The following PHF20L1 variants were observed in gnomAD, a reference collection of about 807,000 sequenced individuals.
PHF20L1 encodes PHD finger protein 20-like protein 1.
In PHF20L1, 44 loss-of-function variants were observed where a neutral mutation model predicts 125.5. The ratio of observed to expected loss-of-function variants is 0.35; its 90% CI spans 0.28 to 0.45. The LOEUF is 0.45. PHF20L1 is among the 20% of genes least tolerant of loss of function. The pLI, the probability that PHF20L1 is intolerant of heterozygous loss-of-function variation, is 1.00. For missense variants in PHF20L1, 1,012 were observed against 1,217.2 expected (o/e 0.83, Z 2.51); for synonymous variants, 380 against 403.1 (o/e 0.94, Z 0.69).
rs548537043 is a variant in PHF20L1, at chr8:132,833,105, A to T, written c.1909+706A>T. 3.3e-5 allele frequency among the ~76,000 whole-genome samples: 5 copies of T among 152,256 alleles called. No homozygotes were observed. The South Asian group carries it at 1.0e-3, about 32-fold the overall frequency. On this transcript the variant is annotated intron_variant, in intron 15 of 20. Transcript: ENST00000395386. ...AGCTGTAGACATTGAGGGCTGTGGC[A>T]TAAGAGTAGAGCTCTAATGCAATAG...
intron 11 of PHF20L1, 105 bp from the exon 12 acceptor site, chr8:132,817,234 T>C (rs1362984324): frequency 1.9e-5 from 20 of 1,033,832 alleles, no homozygotes; most frequent in Non-Finnish European, 2.7e-5. Context: ...AGTGCCTTCT[T>C]TGTGCCAGGC....
intron 9 of PHF20L1, chr8:132,811,764 T>G: frequency 1.0e-6 from 1 of 984,830 alleles, no homozygotes; most frequent in Non-Finnish European, 1.2e-6. Flanking sequence ...TTACATTCTC[T>G]AAGGGCTTAA....
Position 132,844,823 on chromosome 8 carries a change from A to G in PHF20L1, c.2911+505A>G, listed in dbSNP as rs562988575. On this transcript the variant is annotated intron_variant, in intron 20 of 20. Transcript: ENST00000395386. Reference sequence around the variant, plus strand: ...CTGAAAAGTGGGCAAGAAAGATACTATCACTACTTTATAGTTGAGAAACTA... The same window carrying G: ...CTGAAAAGTGGGCAAGAAAGATACTGTCACTACTTTATAGTTGAGAAACTA... Among the ~76,000 whole-genome samples, 58 of 152,248 alleles carry G rather than the reference A, an allele frequency of 3.8e-4. 1 individual carries two copies. The highest frequency in any genetic ancestry group is 1.3e-3 in the African/African-American group (56 of 41,566).
intron 4 of PHF20L1, among the ~76,000 whole-genome samples, chr8:132,796,242 A>G (rs1162102831): frequency 1.3e-5 from 2 of 152,096 alleles, no homozygotes; most frequent in Non-Finnish European, 2.9e-5. Context: ...GTTGCTTAGA[A>G]TGAAAGATTC....
intron 18 of PHF20L1, among the ~76,000 whole-genome samples, chr8:132,840,480 A>G (rs866103172): frequency 6.6e-6 from 1 of 152,114 alleles, no homozygotes; most frequent in Admixed American, 6.5e-5. Context: ...AAGCTTAGTA[A>G]AAGATAAATA....
At position 132,829,518 on chromosome 8, in the gene PHF20L1, C is replaced by T. The variant is rs541202307; in HGVS notation, c.1745-2717C>T. 2.0e-5 allele frequency among the ~76,000 whole-genome samples: 3 copies of T among 152,110 alleles called. No homozygotes were observed. In the South Asian group the frequency reaches 6.2e-4, roughly 32 times the overall value. Reference sequence around the variant, plus strand: ...TGGGCCTAAGTAATATGGTGTTGGGCAAACTGTGGTTATGGTGAGGCCACT... The same window carrying T: ...TGGGCCTAAGTAATATGGTGTTGGGTAAACTGTGGTTATGGTGAGGCCACT... On this transcript the variant is annotated intron_variant, in intron 14 of 20. Coordinates refer to ENST00000395386, the MANE Select transcript of PHF20L1 (RefSeq NM_016018.5).
Position 132,846,469 on chromosome 8 carries a change from T to C in PHF20L1, c.*546T>C, listed in dbSNP as rs1489840128. On this transcript the variant is annotated 3_prime_UTR_variant, in exon 21 of 21. Transcript: ENST00000395386. ...GAGCTGTTTCTTGGGCGATGAATGTTCTCAATCAGAAAACTGACAGTAGAA... is the reference window on the plus strand; with the variant it reads ...GAGCTGTTTCTTGGGCGATGAATGTCCTCAATCAGAAAACTGACAGTAGAA... 6.6e-6 allele frequency: 1 copy of C among 152,540 alleles called. No homozygotes were observed. The highest frequency in any genetic ancestry group is 1.5e-5 in the Non-Finnish European group (1 of 68,002). 9.4% of individuals were successfully genotyped at this position (152,540 alleles called of 1,614,324 possible).
At chr8:132,799,331 C>T in intron 6 of PHF20L1, 159 bp downstream of exon 6, 1 of 526,546 alleles carries the variant, frequency 1.9e-6, no homozygotes, top group Non-Finnish European at 3.4e-6. Flanking sequence ...AAGGCGCTTA[C>T]CTGACACTCT....
intron 2 of PHF20L1, among the ~76,000 whole-genome samples, chr8:132,782,507 C>T (rs1830538696): frequency 6.6e-6 from 1 of 152,004 alleles, no homozygotes; most frequent in Non-Finnish European, 1.5e-5. Context: ...TTAAAGGTAG[C>T]TTTAGTTGAC....
At position 132,846,876 on chromosome 8, in the gene PHF20L1, G is replaced by A. The variant is rs1243965841; in HGVS notation, c.*953G>A. The A allele has an allele frequency of 1.3e-5, 2 of 152,470 alleles. No homozygotes were observed. The highest frequency in any genetic ancestry group is 2.9e-5 in the Non-Finnish European group (2 of 67,984). 9.4% of individuals were successfully genotyped at this position (152,470 alleles called of 1,614,324 possible). A position where few individuals can be genotyped will look rare whatever the true frequency, so the allele number is the denominator to read the frequency against. ...AATAACCTCAGCTGGGATGAGGAGT[G>A]ACAGAATATCAAAATAATTTGTGGC... On this transcript the variant is annotated 3_prime_UTR_variant, in exon 21 of 21. Transcript: ENST00000395386.
chr8:132,837,670 A>C lies in PHF20L1; in HGVS notation c.2092-42A>C, dbSNP rs745895732. ...GTATCCTTATTCCTAGCTTATTCCTAGTGAGGATCGGGTGACTGTAATACT... is the reference window on the plus strand; with the variant it reads ...GTATCCTTATTCCTAGCTTATTCCTCGTGAGGATCGGGTGACTGTAATACT... On this transcript the variant is annotated intron_variant, in intron 16 of 20. Transcript: ENST00000395386. 8.2e-6 allele frequency: 12 copies of C among 1,468,208 alleles called. No homozygotes were observed. In the Admixed American group the frequency reaches 2.0e-4, roughly 25 times the overall value. The allele number at this position is 1,468,208 out of a possible 1,614,324, so 90.9% of individuals were successfully genotyped here.
At chr8:132,776,783 A>G (rs778526561) in intron 1 of PHF20L1, among the ~76,000 whole-genome samples, 3 of 152,240 alleles carry the variant, frequency 2.0e-5, no homozygotes, top group Non-Finnish European at 4.4e-5. Flanking sequence ...GAACATAGTC[A>G]TTAGTGATCT....
At chr8:132,803,331 A>G (rs235427) in intron 6 of PHF20L1, among the ~76,000 whole-genome samples, 67,057 of 151,602 alleles carry the variant, frequency 0.44, 14,881 homozygotes, top group South Asian at 0.52. Flanking sequence ...GATTGACTAT[A>G]ATTTGAATGG....
rs1587102020 is a variant in PHF20L1, at chr8:132,842,865, T to C, written c.2738T>C (p.Met913Thr). The change falls in exon 19 of 21, where the codon ATG (methionine) becomes ACG (threonine). Residue 913 changes from methionine (M) to threonine (T), a missense_variant. Around this residue, in one of 7 missense-constraint regions of PHF20L1, gnomAD observed 277 missense variants for 283.6 expected, o/e 0.98. Coordinates refer to ENST00000395386, the MANE Select transcript of PHF20L1 (RefSeq NM_016018.5). ...CAGTACTCAGCAAAAGAACATGGAA[T>C]GCCTGAAAAGGTAAAACTAGTTCAT... ...SLQYSAKEHG[M>T]PEKNPAEGNT... 2.5e-6 allele frequency: 4 copies of C among 1,604,392 alleles called. No homozygotes were observed. The highest frequency in any genetic ancestry group is 3.4e-6 in the Non-Finnish European group (4 of 1,175,546).
chr8:132,797,276 G>A (rs1303537366), intron 4 of PHF20L1, among the ~76,000 whole-genome samples: 1 of 152,068 alleles, frequency 6.6e-6, no homozygotes, highest in Non-Finnish European at 1.5e-5. Flanking sequence ...TCCGTTCAGT[G>A]TAAGAGCAAA....
chr8:132,789,433 T>C (rs1347043702), intron 2 of PHF20L1, among the ~76,000 whole-genome samples: 2 of 152,098 alleles, frequency 1.3e-5, no homozygotes, highest in Non-Finnish European at 2.9e-5. Context: ...GGACTTTAAT[T>C]CAAAAGGGTC....
At chr8:132,779,099 C>T (rs1477520355) in intron 2 of PHF20L1, among the ~76,000 whole-genome samples, 1 of 152,176 alleles carries the variant, frequency 6.6e-6, no homozygotes, top group African/African-American at 2.4e-5. Flanking sequence ...TCTCTGACCC[C>T]AGCTTAATGA....
In PHF20L1 at chr8:132,842,845, C is replaced by T. The variant is rs771424133; in HGVS notation, c.2718C>T (p.Tyr906=). The T allele has an allele frequency of 5.0e-6, 8 of 1,610,674 alleles. No homozygotes were observed. In the Admixed American group the frequency reaches 1.3e-4, roughly 27 times the overall value. Residue 906 remains tyrosine, a synonymous_variant, in exon 19 of 21, where the codon TAC becomes TAT. Transcript: ENST00000395386. ...TGAGAAGTAAAAACAGTTTACAGTA[C>T]TCAGCAAAAGAACATGGAATGCCTG... ...FHMRSKNSLQ[Y]SAKEHGMPEK... is the part of the protein sequence containing the mutation.
chr8:132,783,592 C>T (rs1208552193), intron 2 of PHF20L1, among the ~76,000 whole-genome samples: 4 of 151,992 alleles, frequency 2.6e-5, no homozygotes, highest in African/African-American at 9.7e-5. Context: ...ACATGTAGAT[C>T]AAATATAGCA....
Sources: gnomAD v4.1 joint callset for allele counts (sites outside exome capture counted in the v4.1 genomes callset) on GRCh38, gnomAD v4.1.1 for gene constraint, gnomAD v4.1.1 regional missense constraint, MANE v1.5 for transcripts, NCBI Gene and HGNC (gene_info 2026-07-23, HGNC 2026-07-21) for gene names.